Variants in YAP1 observed in about 807,000 individuals in gnomAD.
YAP1 encodes the protein transcriptional coactivator YAP1.
In YAP1, 5 loss-of-function variants were observed where a neutral mutation model predicts 56.9. That is an observed-to-expected ratio of 0.09 (90% CI 0.05 to 0.18). YAP1 has a LOEUF of 0.18. Among genes scored for constraint, YAP1 ranks in the 10% least tolerant of loss-of-function variants. The pLI is 1.00. For synonymous variants in YAP1, 265 were observed against 248.1 expected, an observed-to-expected ratio of 1.07 and a Z score of -0.64; for missense variants, 539 against 651.8, an observed-to-expected ratio of 0.83 and a Z score of 1.88.
In YAP1 at chr11:102,205,942, C is replaced by A; in HGVS notation, c.852C>A (p.Pro284=). 6.2e-7 allele frequency: 1 copy of A among 1,610,922 alleles called. No homozygotes were observed. The highest frequency in any genetic ancestry group is 8.5e-7 in the Non-Finnish European group (1 of 1,178,574). The change falls in exon 5 of 9, where the codon CCC becomes CCA. Residue 284 remains proline, a synonymous_variant. Transcript: ENST00000282441. ...GTGCTCCAGTGAAACAGCCACCACCCCTGGCTCCCCAGAGCCCACAGGGAG... is the reference window on the plus strand; with the variant it reads ...GTGCTCCAGTGAAACAGCCACCACCACTGGCTCCCCAGAGCCCACAGGGAG... ...SQSAPVKQPP[P]LAPQSPQGGV...
At position 102,230,607 on chromosome 11, in the gene YAP1, T is replaced by C. The variant is rs1172524364; in HGVS notation, c.*667T>C. 2 of 152,618 alleles carry C rather than the reference T, an allele frequency of 1.3e-5. No homozygotes were observed. The highest frequency in any genetic ancestry group is 1.9e-4 in the East Asian group (1 of 5,200). The allele number at this position is 152,618 out of a possible 1,614,324, so 9.5% of individuals were successfully genotyped here. A position where few individuals can be genotyped will look rare whatever the true frequency, so the allele number is the denominator to read the frequency against. On this transcript the variant is annotated 3_prime_UTR_variant, in exon 9 of 9. Transcript: ENST00000282441. The stretch of plus-strand genomic sequence containing the variant: ...TTAATTATTGCCACATACTCTAATA[T>C]AGATTTTGGTGGATAATTTTGTGGG...
chr11:102,111,310 T>TGGA (rs34558896), intron 1 of YAP1, 141 bp downstream of exon 1: 442,520 of 910,484 alleles, frequency 0.49, 115,900 homozygotes, highest in East Asian at 0.75. Context: ...CGAGGCGAAG[T>TGGA]GGAACTGGAG....
chr11:102,184,090 A>G (rs923327192), intron 3 of YAP1, among the ~76,000 whole-genome samples: 4 of 148,908 alleles, frequency 2.7e-5, no homozygotes, highest in African/African-American at 7.3e-5. Context: ...AAAAAAAAAA[A>G]AAAAAGAAAG....
At chr11:102,177,479 G>A (rs1162252151) in intron 3 of YAP1, among the ~76,000 whole-genome samples, 2 of 152,026 alleles carry the variant, frequency 1.3e-5, no homozygotes, top group Admixed American at 6.6e-5. Context: ...AAAAGATCGA[G>A]ACCAGCCTGG....
chr11:102,199,270 C>G (rs1422377302), intron 4 of YAP1, among the ~76,000 whole-genome samples: 1 of 152,106 alleles, frequency 6.6e-6, no homozygotes, highest in Non-Finnish European at 1.5e-5. Context: ...AATTAGTATG[C>G]CCAACTCTAA....
At chr11:102,217,417 T>C (rs991000907) in intron 6 of YAP1, among the ~76,000 whole-genome samples, 16 of 152,126 alleles carry the variant, frequency 1.1e-4, no homozygotes, top group Non-Finnish European at 2.1e-4. Context: ...AGCCAAAATG[T>C]AGAAATAACC....
Position 102,112,361 on chromosome 11 carries a change from A to G in YAP1, c.321+1192A>G, listed in dbSNP as rs755847675. The stretch of plus-strand genomic sequence containing the variant: ...GTTTATAATGAGTGTTAACATTCCA[A>G]TAGGTCCCAGTGGATTTGTTTTGTG... On this transcript the variant is annotated intron_variant, in intron 1 of 8. Coordinates refer to ENST00000282441, the MANE Select transcript of YAP1 (RefSeq NM_001130145.3). The G allele has an allele frequency of 5.7e-5, 55 of 957,984 alleles. No individual in the cohort carries two copies. In the East Asian group the frequency reaches 5.8e-4, roughly 10 times the overall value. 59.3% of individuals were successfully genotyped at this position (957,984 alleles called of 1,614,324 possible).
intron 4 of YAP1, among the ~76,000 whole-genome samples, chr11:102,194,093 C>T (rs559034957): frequency 6.6e-6 from 1 of 152,298 alleles, no homozygotes; most frequent in African/African-American, 2.4e-5. Flanking sequence ...GCGTGAGCCA[C>T]CGTGCCAAGC....
At chr11:102,162,383 T>G in intron 2 of YAP1, 73 bp from the exon 3 acceptor site, 5 of 1,323,672 alleles carry the variant, frequency 3.8e-6, no homozygotes, top group Non-Finnish European at 5.4e-6. Flanking sequence ...CCTTTGATTA[T>G]GAGCCCACAA....
At chr11:102,162,974 TA>T (rs1205057936) in intron 3 of YAP1, among the ~76,000 whole-genome samples, 2 of 103,126 alleles carry the variant, frequency 1.9e-5, no homozygotes, top group Admixed American at 2.8e-4. Flanking sequence ...TTATTATTAT[TA>T]TTTTTTTTTT....
At chr11:102,140,153 A>C (rs1489828274) in intron 2 of YAP1, among the ~76,000 whole-genome samples, 4 of 151,624 alleles carry the variant, frequency 2.6e-5, no homozygotes, top group Non-Finnish European at 4.4e-5. Flanking sequence ...ATAGTGTAAA[A>C]AAAATTGGGT....
intron 4 of YAP1, among the ~76,000 whole-genome samples, chr11:102,200,298 A>G (rs1326485381): frequency 6.6e-6 from 1 of 152,252 alleles, no homozygotes; most frequent in Non-Finnish European, 1.5e-5. Context: ...TACAACAGAA[A>G]AAATTGCAGT....
intron 2 of YAP1, among the ~76,000 whole-genome samples, chr11:102,118,445 G>A (rs968353459): frequency 7.0e-6 from 1 of 141,938 alleles, no homozygotes; most frequent in East Asian, 2.2e-4. Context: ...TACATAGGCT[G>A]ATTCTTTTTT....
At position 102,149,443 on chromosome 11, in the gene YAP1, A is replaced by C. The variant is rs12576332; in HGVS notation, c.573-13013A>C. ...AAGGGTTCAAAATGAATGTTAAGCCAGGAGATGGATGAAAGAGGAAGGCAG... is the reference window on the plus strand; with the variant it reads ...AAGGGTTCAAAATGAATGTTAAGCCCGGAGATGGATGAAAGAGGAAGGCAG... On this transcript the variant is annotated intron_variant, in intron 2 of 8. Coordinates refer to ENST00000282441, the MANE Select transcript of YAP1 (RefSeq NM_001130145.3). 6.7e-4 allele frequency among the ~76,000 whole-genome samples: 102 copies of C among 152,368 alleles called. 1 individual carries two copies. The East Asian group carries it at 0.012, about 17-fold the overall frequency.
intron 3 of YAP1, among the ~76,000 whole-genome samples, chr11:102,176,894 CAGG>C (rs961630052): frequency 6.6e-6 from 1 of 150,574 alleles, no homozygotes; most frequent in African/African-American, 2.4e-5. Flanking sequence ...ACTGGAAAGA[CAGG>C]AGTGAACAAG....
Position 102,202,794 on chromosome 11 carries a change from C to T in YAP1, c.803-3099C>T, listed in dbSNP as rs547468847. On this transcript the variant is annotated intron_variant, in intron 4 of 8. Transcript: ENST00000282441. ...CCTAAAATGGATATAATAAGTTTAC[C>T]ACATCTGCACCACTGATTCATCCTT... Among the ~76,000 whole-genome samples the T allele has an allele frequency of 8.3e-4, 127 of 152,146 alleles. 2 individuals are homozygous for T. The highest frequency in any genetic ancestry group is 4.2e-4 in the South Asian group (2 of 4,816).
intron 5 of YAP1, among the ~76,000 whole-genome samples, chr11:102,206,694 T>A (rs574998112): frequency 3.2e-4 from 48 of 152,148 alleles, no homozygotes; most frequent in African/African-American, 1.1e-3. Flanking sequence ...AATAAAAAAA[T>A]TAGCCAAGCG....
chr11:102,186,479 C>G (rs550987797), intron 4 of YAP1: 1 of 291,006 alleles, frequency 3.4e-6, no homozygotes, highest in African/African-American at 2.3e-5. Context: ...CATGCAACAC[C>G]TCAGACCAGG....
In YAP1 at chr11:102,229,992, T is replaced by A; in HGVS notation, c.*52T>A. The A allele has an allele frequency of 6.6e-7, 1 of 1,508,628 alleles. No individual in the cohort carries two copies. The highest frequency in any genetic ancestry group is 9.1e-7 in the Non-Finnish European group (1 of 1,094,292). 93.5% of individuals were successfully genotyped at this position (1,508,628 alleles called of 1,614,324 possible). A position where few individuals can be genotyped will look rare whatever the true frequency, so the allele number is the denominator to read the frequency against. ...TCTGTGAAGGATCTAAGGAGACACA[T>A]GCACCGGAAATTTCCATAAGCCAGT... On this transcript the variant is annotated 3_prime_UTR_variant, in exon 9 of 9. Coordinates refer to ENST00000282441, the MANE Select transcript of YAP1 (RefSeq NM_001130145.3).
Sources: gnomAD v4.1 joint callset for allele counts (sites outside exome capture counted in the v4.1 genomes callset) on GRCh38, gnomAD v4.1.1 for gene constraint, MANE v1.5 for transcripts, NCBI Gene and HGNC (gene_info 2026-07-23, HGNC 2026-07-21) for gene names.